Variants in MAML3 observed in about 807,000 individuals in gnomAD.
MAML3 encodes the protein mastermind like transcriptional coactivator 3.
Under a neutral mutation model 101.9 loss-of-function variants are expected in MAML3, and 27 were observed. The ratio of observed to expected loss-of-function variants is 0.27; its 90% CI spans 0.20 to 0.37. The LOEUF (loss-of-function observed/expected upper bound fraction) is 0.37, where lower values mean the gene tolerates loss of function less well. Among genes scored for constraint, MAML3 ranks in the 10% least tolerant of loss-of-function variants. MAML3 has a pLI of 1.00. For missense variants in MAML3, 1,316 were observed against 1,444.9 expected, an observed-to-expected ratio of 0.91 and a Z score of 1.45; for synonymous variants, 501 against 555.9, an observed-to-expected ratio of 0.90 and a Z score of 1.39.
intron 2 of MAML3, among the ~76,000 whole-genome samples, chr4:139,751,859 T>C (rs1211753741): frequency 6.6e-6 from 1 of 152,212 alleles, no homozygotes; most frequent in Non-Finnish European, 1.5e-5. Flanking sequence ...TTATCTCTTA[T>C]AGTGTCTGCA....
At chr4:140,006,106 CT>C (rs1383314275) in intron 1 of MAML3, among the ~76,000 whole-genome samples, 1 of 152,126 alleles carries the variant, frequency 6.6e-6, no homozygotes, top group East Asian at 1.9e-4. Flanking sequence ...CATGCAAGGG[CT>C]TTCCAGATTT....
intron 2 of MAML3, among the ~76,000 whole-genome samples, chr4:139,870,525 A>G (rs1000753611): frequency 1.3e-5 from 2 of 152,140 alleles, no homozygotes; most frequent in African/African-American, 2.4e-5. Flanking sequence ...GAAAATGCAT[A>G]CTCTTCTTTT....
chr4:139,840,025 T>C (rs545135350), intron 2 of MAML3, among the ~76,000 whole-genome samples: 4 of 152,162 alleles, frequency 2.6e-5, no homozygotes, highest in Admixed American at 6.5e-5. Context: ...CCCCCAAAGA[T>C]AGAAAAACGT....
chr4:139,920,224 T>G (rs1733101349), intron 1 of MAML3, among the ~76,000 whole-genome samples: 1 of 152,232 alleles, frequency 6.6e-6, no homozygotes, highest in South Asian at 2.1e-4. Context: ...TAATCCATAT[T>G]TTAATGGAAT....
intron 2 of MAML3, 43 bp downstream of exon 2, chr4:139,889,314 C>T (rs189293485): frequency 5.6e-6 from 9 of 1,613,754 alleles, no homozygotes; most frequent in African/African-American, 1.3e-5. Context: ...GTCTGAAATG[C>T]ACCACAAGAA....
intron 1 of MAML3, among the ~76,000 whole-genome samples, chr4:140,151,429 C>G (rs1029429081): frequency 1.3e-5 from 2 of 152,242 alleles, no homozygotes; most frequent in African/African-American, 4.8e-5. Context: ...CTCCCCTCCC[C>G]CAAGCCGACT....
chr4:139,722,384 GA>G (rs1560768533), intron 4 of MAML3, among the ~76,000 whole-genome samples: 1 of 151,982 alleles, frequency 6.6e-6, no homozygotes, highest in Non-Finnish European at 1.5e-5. Context: ...ATATACAAAG[GA>G]AAAAAATTCA....
At chr4:139,780,876 G>A (rs1279540985) in intron 2 of MAML3, among the ~76,000 whole-genome samples, 6 of 152,026 alleles carry the variant, frequency 3.9e-5, no homozygotes, top group Admixed American at 6.6e-5. Flanking sequence ...TGATCTGCTC[G>A]CCTTGGCTGC....
chr4:139,725,730 G>A, intron 4 of MAML3, 21 bp downstream of exon 4: 1 of 1,611,282 alleles, frequency 6.2e-7, no homozygotes, highest in Non-Finnish European at 8.5e-7. Context: ...TATAAAATGA[G>A]AGAGGTTGCA....
At chr4:139,902,663 C>G (rs916746723) in intron 1 of MAML3, among the ~76,000 whole-genome samples, 1 of 152,314 alleles carries the variant, frequency 6.6e-6, no homozygotes, top group Non-Finnish European at 1.5e-5. Flanking sequence ...CAGCAGAGCT[C>G]TGGAGCCTGG....
chr4:140,146,409 T>C (rs1161878594), intron 1 of MAML3, among the ~76,000 whole-genome samples: 2 of 152,328 alleles, frequency 1.3e-5, no homozygotes, highest in African/African-American at 4.8e-5. Context: ...TGGAACCCCA[T>C]GATCTTTAAG....
chr4:139,910,549 C>A (rs1450698636), intron 1 of MAML3, among the ~76,000 whole-genome samples: 1 of 152,132 alleles, frequency 6.6e-6, no homozygotes, highest in African/African-American at 2.4e-5. Flanking sequence ...TTATATTGGA[C>A]AGCACAGTTG....
Position 139,941,359 on chromosome 4 carries a change from A to G in MAML3, c.469-50392T>C, listed in dbSNP as rs193235975. ...TGGACTCATCCACTGATGTGTATCA[A>G]TGTAAGTTTCTGAAACAAAGTCATC... is the stretch of plus-strand genomic sequence containing the variant. On this transcript the variant is annotated intron_variant, in intron 1 of 4. Coordinates refer to ENST00000509479, the MANE Select transcript of MAML3 (RefSeq NM_018717.5). 4.0e-3 allele frequency among the ~76,000 whole-genome samples: 602 copies of G among 152,330 alleles called. 5 individuals are homozygous for G. The highest frequency in any genetic ancestry group is 0.013 in the African/African-American group (551 of 41,574).
At chr4:139,831,977 T>C (rs1349890712) in intron 2 of MAML3, among the ~76,000 whole-genome samples, 3 of 151,766 alleles carry the variant, frequency 2.0e-5, no homozygotes, top group Admixed American at 6.6e-5. Flanking sequence ...GTATTTTTAG[T>C]AGAGACGGGG....
chr4:139,831,325 C>CT (rs143358208), intron 2 of MAML3, among the ~76,000 whole-genome samples: 1 of 152,034 alleles, frequency 6.6e-6, no homozygotes, highest in African/African-American at 2.4e-5. Context: ...ACCCTTGGAT[C>CT]TTTTTTGGGA....
At chr4:140,106,567 T>A (rs562261854) in intron 1 of MAML3, among the ~76,000 whole-genome samples, 1 of 152,234 alleles carries the variant, frequency 6.6e-6, no homozygotes, top group Admixed American at 6.5e-5. Flanking sequence ...AAAAAATCAG[T>A]ATTTCCAAAT....
At chr4:139,960,688 G>A (rs1026071763) in intron 1 of MAML3, among the ~76,000 whole-genome samples, 1 of 152,146 alleles carries the variant, frequency 6.6e-6, no homozygotes, top group Non-Finnish European at 1.5e-5. Flanking sequence ...CCAGACTTCT[G>A]TTCCTTCCCA....
intron 2 of MAML3, among the ~76,000 whole-genome samples, chr4:139,849,305 C>T (rs1001927538): frequency 3.9e-5 from 6 of 152,140 alleles, no homozygotes; most frequent in Non-Finnish European, 8.8e-5. Context: ...TAGGGGTTCT[C>T]TGGACCAGAG....
chr4:140,040,092 T>C (rs1037925946), intron 1 of MAML3, among the ~76,000 whole-genome samples: 1 of 152,206 alleles, frequency 6.6e-6, no homozygotes, highest in Non-Finnish European at 1.5e-5. Flanking sequence ...GGTGGGGTGC[T>C]ACCGAATTCT....
Sources: allele counts gnomAD v4.1 joint callset (sites outside exome capture counted in the v4.1 genomes callset), GRCh38; gene constraint gnomAD v4.1.1; transcripts MANE v1.5; gene names NCBI Gene and HGNC (gene_info 2026-07-23, HGNC 2026-07-21).